Variants in LCA5 observed in about 807,000 individuals in gnomAD.
LCA5 encodes lebercilin.
LCA5 carries 37 observed loss-of-function variants against 53.0 expected under a neutral mutation model. The ratio of observed to expected loss-of-function variants is 0.70; its 90% confidence interval spans 0.54 to 0.92. The LOEUF (loss-of-function observed/expected upper bound fraction) is 0.92. Among genes scored for constraint, LCA5 ranks in the 40% least tolerant of loss-of-function variants. The probability of loss-of-function intolerance (pLI) is 0.00; values close to 1 mark genes in which losing one functional copy is unlikely to be tolerated. For synonymous variants in LCA5, 303 were observed against 282.9 expected (o/e 1.07, Z -0.71); for missense variants, 806 against 790.5 (o/e 1.02, Z -0.23).
At chr6:79,519,658 A>C (rs1398643546) in intron 1 of LCA5, among the ~76,000 whole-genome samples, 1 of 150,424 alleles carries the variant, frequency 6.6e-6, no homozygotes, top group East Asian at 2.0e-4. Context: ...CCGAGGTTGC[A>C]GTTAGCCAAG....
chr6:79,518,875 C>G lies in LCA5; in HGVS notation c.20G>C (p.Ser7Thr). The G allele has an allele frequency of 6.2e-7, 1 of 1,614,150 alleles. No homozygotes were observed. Among genetic ancestry groups the G allele is most frequent in the Non-Finnish European group, 8.5e-7 (1 of 1,179,990 alleles). MGERAG[S>T]PGTDQERKAG... ...CTTTCTTTCTTGATCAGTACCTGGA[C>G]TTCCTGCTCTTTCCCCCATTGTTTT... The change falls in exon 2 of 8, where the codon AGT becomes ACT. Residue 7 changes from serine (S) to threonine (T), a missense_variant. Physicochemically the swap from Ser to Thr is moderately conservative, Grantham distance 58. Transcript: ENST00000369846.
At chr6:79,533,827 G>A (rs117486230) in intron 1 of LCA5, among the ~76,000 whole-genome samples, 24 of 151,674 alleles carry the variant, frequency 1.6e-4, no homozygotes, top group Admixed American at 6.6e-4. Flanking sequence ...TCAACAAACC[G>A]TTAATTTCCT....
At chr6:79,519,784 A>G (rs1307456681) in intron 1 of LCA5, among the ~76,000 whole-genome samples, 1 of 151,986 alleles carries the variant, frequency 6.6e-6, no homozygotes, top group Non-Finnish European at 1.5e-5. Flanking sequence ...ATGTATAACT[A>G]AAGTACATTT....
At chr6:79,538,281 A>C (rs933875054), upstream of LCA5, among the ~76,000 whole-genome samples, 2 of 151,990 alleles carry the variant, frequency 1.3e-5, no homozygotes, top group Non-Finnish European at 2.9e-5. Flanking sequence ...CATTCTGTAG[A>C]GAATCTAATA....
At chr6:79,533,554 C>T (rs1198886000) in intron 1 of LCA5, among the ~76,000 whole-genome samples, 3 of 150,118 alleles carry the variant, frequency 2.0e-5, no homozygotes, top group Non-Finnish European at 4.4e-5. Context: ...TAATACTTGA[C>T]ATTGTTCATC....
chr6:79,501,136 G>A (rs1473399303), intron 3 of LCA5, among the ~76,000 whole-genome samples: 6 of 151,952 alleles, frequency 3.9e-5, no homozygotes, highest in African/African-American at 1.2e-4. Flanking sequence ...CATAGTGTAC[G>A]CATAAAATAG....
At chr6:79,523,511 A>G (rs1434557627) in intron 1 of LCA5, among the ~76,000 whole-genome samples, 1 of 152,238 alleles carries the variant, frequency 6.6e-6, no homozygotes, top group Non-Finnish European at 1.5e-5. Flanking sequence ...TTCAATAACT[A>G]TTACACAGTA....
At chr6:79,535,839 T>C (rs969143753) in intron 1 of LCA5, among the ~76,000 whole-genome samples, 12 of 152,096 alleles carry the variant, frequency 7.9e-5, no homozygotes, top group African/African-American at 2.9e-4. Flanking sequence ...AAGACTGGAT[T>C]ATTGGGAAAA....
intron 3 of LCA5, among the ~76,000 whole-genome samples, chr6:79,511,013 G>C (rs182968848): frequency 2.7e-4 from 41 of 151,694 alleles, no homozygotes; most frequent in Admixed American, 4.6e-4. Context: ...AGAATGTTCT[G>C]ATGATTGTTA....
chr6:79,532,537 G>C (rs1256223448), intron 1 of LCA5, among the ~76,000 whole-genome samples: 1 of 152,028 alleles, frequency 6.6e-6, no homozygotes, highest in African/African-American at 2.4e-5. Flanking sequence ...TCCTTTTTCA[G>C]GCAAACTAGC....
intron 3 of LCA5, among the ~76,000 whole-genome samples, chr6:79,510,276 TG>T (rs1434742249): frequency 6.6e-6 from 1 of 152,204 alleles, no homozygotes; most frequent in Non-Finnish European, 1.5e-5. Flanking sequence ...CAAATGGTGC[TG>T]GAGTAACTAC....
intron 1 of LCA5, among the ~76,000 whole-genome samples, chr6:79,529,364 A>C (rs1003319731): frequency 6.6e-6 from 1 of 152,188 alleles, no homozygotes; most frequent in African/African-American, 2.4e-5. Flanking sequence ...AGGCATGATA[A>C]ATCTAAGCAC....
In LCA5 at chr6:79,488,805, C is replaced by T. The variant is rs1582612744; in HGVS notation, c.1231+279G>A. ...CAAGTATAGTAACTTTAGTAAGTGGCATCTGAATTCTACTTCATCAGAATT... is the reference window on the plus strand; with the variant it reads ...CAAGTATAGTAACTTTAGTAAGTGGTATCTGAATTCTACTTCATCAGAATT... On this transcript the variant is annotated intron_variant, in intron 7 of 7. Transcript: ENST00000369846. 7 of 516,198 alleles carry T rather than the reference C, an allele frequency of 1.4e-5. No individual in the cohort carries two copies. The South Asian group carries it at 1.7e-4, about 13-fold the overall frequency. The allele number at this position is 516,198 out of a possible 1,614,324, so 32.0% of individuals were successfully genotyped here.
intron 3 of LCA5, among the ~76,000 whole-genome samples, chr6:79,501,293 T>C (rs1770132089): frequency 6.6e-6 from 1 of 152,124 alleles, no homozygotes; most frequent in African/African-American, 2.4e-5. Flanking sequence ...GTCAAGAACA[T>C]ATCCATCCAT....
chr6:79,524,294 C>A (rs1294943420), intron 1 of LCA5, among the ~76,000 whole-genome samples: 1 of 152,154 alleles, frequency 6.6e-6, no homozygotes, highest in Non-Finnish European at 1.5e-5. Flanking sequence ...TAGTTTCCAT[C>A]ATCATTTTAC....
chr6:79,487,605 T>C lies in LCA5; in HGVS notation c.1493A>G (p.Lys498Arg). 10 of 1,614,054 alleles carry C rather than the reference T, an allele frequency of 6.2e-6. No individual in the cohort carries two copies. The highest frequency in any genetic ancestry group is 8.5e-6 in the Non-Finnish European group (10 of 1,179,944). ...GGGGCTTCTCTCTGGGGAGTGTAGT[T>C]TTGATTCAAAATCAGGTAACAATGG... is the stretch of plus-strand genomic sequence containing the variant. ...VLPLLPDFESKLHSPERSPKT... is the reference protein window; with the variant it reads ...VLPLLPDFESRLHSPERSPKT... Residue 498 changes from lysine to arginine, a missense_variant, in exon 8 of 8, where the codon AAA (lysine) becomes AGA (arginine). Physicochemically the swap from Lys to Arg is conservative, Grantham distance 26 (BLOSUM62 2). Transcript: ENST00000369846.
At chr6:79,524,826 C>G (rs184076520) in intron 1 of LCA5, among the ~76,000 whole-genome samples, 1 of 152,096 alleles carries the variant, frequency 6.6e-6, no homozygotes, top group African/African-American at 2.4e-5. Context: ...CTTTCTCCCC[C>G]TCTTCCTTTC....
At chr6:79,495,875 T>TG (rs1769970647) in intron 3 of LCA5, among the ~76,000 whole-genome samples, 1 of 151,970 alleles carries the variant, frequency 6.6e-6, no homozygotes, top group Non-Finnish European at 1.5e-5. Context: ...CCGTGTTTAT[T>TG]GAAAAAAAAA....
chr6:79,530,771 T>C (rs1766936085), intron 1 of LCA5, among the ~76,000 whole-genome samples: 1 of 152,094 alleles, frequency 6.6e-6, no homozygotes, highest in Admixed American at 6.6e-5. Context: ...TTAGTCCTTG[T>C]AGAAACTTGT....
Sources: allele counts gnomAD v4.1 joint callset (sites outside exome capture counted in the v4.1 genomes callset), GRCh38; gene constraint gnomAD v4.1.1; transcripts MANE v1.5; gene names NCBI Gene and HGNC (gene_info 2026-07-23, HGNC 2026-07-21).